Variants in EXD1 observed in about 807,000 individuals in gnomAD.
The protein encoded by EXD1 is piRNA biogenesis protein EXD1.
Under a neutral mutation model 49.1 loss-of-function variants are expected in EXD1, and 63 were observed. The ratio of observed to expected loss-of-function variants is 1.28; its 90% CI spans 1.05 to 1.58. The LOEUF is 1.58. Ranked by LOEUF, EXD1 falls within the 40% of genes most tolerant of loss-of-function variation. The pLI, the probability that EXD1 is intolerant of heterozygous loss-of-function variation, is 0.00. For missense variants in EXD1, 748 were observed against 666.0 expected, an observed-to-expected ratio of 1.12 and a Z score of -1.36; for synonymous variants, 234 against 239.2, an observed-to-expected ratio of 0.98 and a Z score of 0.20.
intron 10 of EXD1, 68 bp downstream of exon 10, chr15:41,191,374 G>A (rs2046512018): frequency 7.0e-7 from 1 of 1,421,062 alleles, no homozygotes; most frequent in Admixed American, 1.9e-5. Flanking sequence ...CTACATAACA[G>A]GCTGATAATA....
intron 7 of EXD1, among the ~76,000 whole-genome samples, chr15:41,207,353 C>T (rs549783637): frequency 1.1e-4 from 16 of 151,944 alleles, no homozygotes; most frequent in African/African-American, 3.6e-4. Context: ...ACCAGCCTGA[C>T]CAAAATGGAG....
chr15:41,207,264 G>C (rs937527225), intron 7 of EXD1, among the ~76,000 whole-genome samples: 3 of 151,202 alleles, frequency 2.0e-5, no homozygotes, highest in African/African-American at 7.3e-5. Flanking sequence ...GCCTCTGGCA[G>C]GGTGTGGTGG....
At chr15:41,195,896 TA>T (rs756132983) in intron 8 of EXD1, 36 bp downstream of exon 8, 1 of 1,609,952 alleles carries the variant, frequency 6.2e-7, no homozygotes, top group Non-Finnish European at 8.5e-7. Context: ...ACCTGGCTGC[TA>T]ATCTTAATAG....
chr15:41,184,115 TCCA>T lies in EXD1; in HGVS notation c.1532_1534del (p.Val511del), dbSNP rs1471881534. The stretch of plus-strand genomic sequence containing the variant: ...TGTGCATTTTAAATCTTCCTTGTTT[TCCA>T]CCATCAATAACTGTTCTGTCTCCTC... On this transcript the variant is annotated inframe_deletion, in exon 12 of 12. Coordinates refer to ENST00000458580, the MANE Select transcript of EXD1 (RefSeq NM_001286441.2). 44 of 1,614,100 alleles carry T rather than the reference TCCA, an allele frequency of 2.7e-5. No individual in the cohort carries two copies. The highest frequency in any genetic ancestry group is 3.6e-5 in the Non-Finnish European group (42 of 1,180,038).
chr15:41,199,689 G>GATAT (rs1566980439), intron 7 of EXD1, among the ~76,000 whole-genome samples: 2 of 82,592 alleles, frequency 2.4e-5, no homozygotes, highest in Non-Finnish European at 4.4e-5. Context: ...TCATATATAT[G>GATAT]AGATATATTA....
chr15:41,188,661 G>T (rs1207771708), intron 11 of EXD1, among the ~76,000 whole-genome samples: 1 of 151,748 alleles, frequency 6.6e-6, no homozygotes, highest in African/African-American at 2.4e-5. Context: ...CAAAGTACTG[G>T]GATTACAGGT....
rs566831170 is a variant in EXD1 at position 41,215,556 on chromosome 15, G to C, written c.447+219C>G. Among the ~76,000 whole-genome samples the C allele has an allele frequency of 2.0e-5, 3 of 152,020 alleles. No homozygotes were observed. In the South Asian group the frequency reaches 6.3e-4, roughly 32 times the overall value. On this transcript the variant is annotated intron_variant, in intron 6 of 11. Coordinates refer to ENST00000458580, the MANE Select transcript of EXD1 (RefSeq NM_001286441.2). ...AAAAAATTAGCCAGGCGTGGTGGCGGGCACCTGTAGTCCCAGCTACACGGG... is the reference window on the plus strand; with the variant it reads ...AAAAAATTAGCCAGGCGTGGTGGCGCGCACCTGTAGTCCCAGCTACACGGG...
Position 41,208,083 on chromosome 15 carries a change from C to G in EXD1, c.534+1418G>C, listed in dbSNP as rs191395736. ...TAGACAACTGCATGTTCCTCTGATACCCAGAAAACCAAAGGGGACAATTTA... is the reference window on the plus strand; with the variant it reads ...TAGACAACTGCATGTTCCTCTGATAGCCAGAAAACCAAAGGGGACAATTTA... On this transcript the variant is annotated intron_variant, in intron 7 of 11. Coordinates refer to ENST00000458580, the MANE Select transcript of EXD1 (RefSeq NM_001286441.2). Among the ~76,000 whole-genome samples the G allele has an allele frequency of 3.8e-3, 580 of 151,180 alleles. 3 individuals carry two copies. The highest frequency in any genetic ancestry group is 0.02 in the South Asian group (97 of 4,790).
intron 7 of EXD1, among the ~76,000 whole-genome samples, chr15:41,199,722 T>TTACATATATCA (rs2046682103): frequency 3.2e-5 from 3 of 94,636 alleles, no homozygotes; most frequent in African/African-American, 4.8e-5. Flanking sequence ...ATATGATATA[T>TTACATATATCA]TATATATGAT....
At chr15:41,210,415 G>C (rs2046904255) in intron 6 of EXD1, among the ~76,000 whole-genome samples, 1 of 152,168 alleles carries the variant, frequency 6.6e-6, no homozygotes, top group Admixed American at 6.5e-5. Context: ...ATAGTGGCTG[G>C]GCGCAGTGGC....
At chr15:41,194,694 G>A (rs745319845) in intron 9 of EXD1, among the ~76,000 whole-genome samples, 31 of 152,212 alleles carry the variant, frequency 2.0e-4, no homozygotes, top group Non-Finnish European at 3.1e-4. Context: ...TCTGCTTCTT[G>A]GACTATGTAA....
At chr15:41,187,848 T>C (rs2046439234) in intron 11 of EXD1, among the ~76,000 whole-genome samples, 1 of 151,876 alleles carries the variant, frequency 6.6e-6, no homozygotes, top group South Asian at 2.1e-4. Context: ...TAACCCCGTC[T>C]CTACTAAAAA....
chr15:41,203,419 T>G (rs2046765034), intron 7 of EXD1, among the ~76,000 whole-genome samples: 1 of 152,152 alleles, frequency 6.6e-6, no homozygotes, highest in African/African-American at 2.4e-5. Context: ...CTAGCCCTCT[T>G]CCCTTTGTTG....
At chr15:41,216,629 C>T (rs754821656) in intron 5 of EXD1, 39 bp downstream of exon 5, 3 of 1,564,382 alleles carry the variant, frequency 1.9e-6, no homozygotes, top group Non-Finnish European at 2.6e-6. Context: ...GAAACTCCAT[C>T]TCAAAAAAAA....
chr15:41,205,007 C>T (rs999786061), intron 7 of EXD1, among the ~76,000 whole-genome samples: 2 of 152,208 alleles, frequency 1.3e-5, no homozygotes, highest in African/African-American at 4.8e-5. Flanking sequence ...TAGATCATAT[C>T]TTTTTGTTCA....
rs138628477 is a variant in EXD1 at position 41,191,525 on chromosome 15, T to C, written c.781A>G (p.Thr261Ala). 5.6e-6 allele frequency: 9 copies of C among 1,613,914 alleles called. No individual in the cohort carries two copies. Among genetic ancestry groups the C allele is most frequent in the African/African-American group, 1.3e-5 (1 of 75,044 alleles). Residue 261 changes from threonine (T) to alanine (A), a missense_variant, in exon 10 of 12, where the codon ACT becomes GCT. Coordinates refer to ENST00000458580, the MANE Select transcript of EXD1 (RefSeq NM_001286441.2). Reference protein sequence around the residue: ...TGGYLPNCITTLQESLIKHLQ... With the variant: ...TGGYLPNCITALQESLIKHLQ... Reference sequence around the variant, plus strand: ...TGTTTGATTAAACTCTCCTGCAAAGTAGTGATGCAGTTTGGAAGATAGCCA... The same window carrying C: ...TGTTTGATTAAACTCTCCTGCAAAGCAGTGATGCAGTTTGGAAGATAGCCA...
chr15:41,191,847 G>A, intron 9 of EXD1: 1 of 311,738 alleles, frequency 3.2e-6, no homozygotes, highest in African/African-American at 2.2e-5. Flanking sequence ...CATGATCTCA[G>A]CTCACTGCAA....
At position 41,195,791 on chromosome 15, in the gene EXD1, T is replaced by C; in HGVS notation, c.704A>G (p.Asn235Ser). The stretch of plus-strand genomic sequence containing the variant: ...TTCATGTACCTGTGTGTCAAAGACA[T>C]TATTCAGCAAAATTCCATACTGATG... ...LSHQYGILLN[N>S]VFDTQVADVL... Residue 235 changes from asparagine (N) to serine (S), a missense_variant, in exon 9 of 12, where the codon AAT becomes AGT. Coordinates refer to ENST00000458580, the MANE Select transcript of EXD1 (RefSeq NM_001286441.2). The C allele has an allele frequency of 1.2e-6, 2 of 1,613,478 alleles. No homozygotes were observed. The highest frequency in any genetic ancestry group is 2.2e-5 in the East Asian group (1 of 44,850).
chr15:41,228,245 G>A (rs992230986), intron 1 of EXD1, among the ~76,000 whole-genome samples: 1 of 152,098 alleles, frequency 6.6e-6, no homozygotes, highest in African/African-American at 2.4e-5. Flanking sequence ...TTCAACCAGT[G>A]AATTTTGCAA....
Sources: gnomAD v4.1 joint callset for allele counts (sites outside exome capture counted in the v4.1 genomes callset) on GRCh38, gnomAD v4.1.1 for gene constraint, MANE v1.5 for transcripts, NCBI Gene and HGNC (gene_info 2026-07-23, HGNC 2026-07-21) for gene names.